The following PCYT1B variants were observed in gnomAD, a reference collection of about 807,000 sequenced individuals.
PCYT1B encodes the protein phosphate cytidylyltransferase 1B, choline.
Under a neutral mutation model 26.4 loss-of-function variants are expected in PCYT1B, and 10 were observed. The ratio of observed to expected loss-of-function variants is 0.38; its 90% CI spans 0.23 to 0.64. The LOEUF is 0.64. Ranked by LOEUF, PCYT1B falls within the 30% of genes least tolerant of loss-of-function variation. The pLI, the probability that PCYT1B is intolerant of heterozygous loss-of-function variation, is 0.56. For missense variants in PCYT1B, 161 were observed against 292.7 expected, an observed-to-expected ratio of 0.55 and a Z score of 3.28; for synonymous variants, 131 against 108.4, an observed-to-expected ratio of 1.21 and a Z score of -1.29.
At chrX:24,662,019 A>G (rs1475840994) in intron 1 of PCYT1B, among the ~76,000 whole-genome samples, 2 of 110,323 alleles carry the variant, frequency 1.8e-5, no homozygotes, top group Non-Finnish European at 3.8e-5. Context: ...AAAAAGCAAA[A>G]CTAGCTGGGT....
chrX:24,597,303 T>G (rs1924819867), intron 3 of PCYT1B, among the ~76,000 whole-genome samples: 1 of 110,498 alleles, frequency 9.0e-6, no homozygotes, highest in African/African-American at 3.3e-5. Context: ...TTTTGTATTT[T>G]TAGTAGAGAC....
chrX:24,616,631 C>T (rs749403418), intron 2 of PCYT1B, among the ~76,000 whole-genome samples: 1 of 112,051 alleles, frequency 8.9e-6, no homozygotes, highest in East Asian at 2.8e-4. Flanking sequence ...TAGAATCACC[C>T]TGACTATCTG....
chrX:24,641,170 G>A, intron 1 of PCYT1B, among the ~76,000 whole-genome samples: 1 of 111,831 alleles, frequency 8.9e-6, no homozygotes, highest in Non-Finnish European at 1.9e-5. Context: ...CTGACCTCAA[G>A]TGGTCCACCT....
At chrX:24,634,777 A>AAG (rs1926222080) in intron 1 of PCYT1B, among the ~76,000 whole-genome samples, 1 of 111,562 alleles carries the variant, frequency 9.0e-6, no homozygotes. Flanking sequence ...CAACAACAAA[A>AAG]ACATTTCCTG....
intron 1 of PCYT1B, among the ~76,000 whole-genome samples, chrX:24,631,971 G>A (rs189357552): frequency 1.7e-4 from 19 of 111,084 alleles, no homozygotes; most frequent in African/African-American, 6.2e-4. Flanking sequence ...AATGTGTTGT[G>A]TGTGTGAGTG....
At chrX:24,591,136 C>G (rs1924552384) in intron 3 of PCYT1B, among the ~76,000 whole-genome samples, 1 of 111,671 alleles carries the variant, frequency 9.0e-6, no homozygotes, top group Non-Finnish European at 1.9e-5. Context: ...CCTGAACCCT[C>G]AAATGGGGAT....
At chrX:24,568,156 T>C (rs1047212930) in intron 7 of PCYT1B, among the ~76,000 whole-genome samples, 6 of 111,631 alleles carry the variant, frequency 5.4e-5, no homozygotes, top group South Asian at 7.5e-4. Flanking sequence ...AAAGGGCCCA[T>C]GCTTCAGTTC....
chrX:24,593,504 TCTTTTCTTTTCTTTCTTTC>T (rs1924670287), intron 3 of PCYT1B, among the ~76,000 whole-genome samples: 1 of 81,770 alleles, frequency 1.2e-5, no homozygotes, highest in African/African-American at 5.7e-5. Flanking sequence ...TCTTTTCTTT[TCTTTTCTTTTCTTTCTTTC>T]TTCCTTTCTT....
Position 24,601,132 on chromosome X carries a change from G to A in PCYT1B, c.334+6613C>T, listed in dbSNP as rs190966624. Among the ~76,000 whole-genome samples, 435 of 111,893 alleles carry A rather than the reference G, an allele frequency of 3.9e-3. 4 individuals carry two copies. Among genetic ancestry groups the A allele is most frequent in the Non-Finnish European group, 5.7e-3 (303 of 53,160 alleles). The stretch of plus-strand genomic sequence containing the variant: ...AACCGTGACAGAAACAATTGATAAG[G>A]TGGACTTTATTAAAATTAAAAACTT... On this transcript the variant is annotated intron_variant, in intron 3 of 7. Coordinates refer to ENST00000379144, the MANE Select transcript of PCYT1B (RefSeq NM_004845.5).
intron 1 of PCYT1B, among the ~76,000 whole-genome samples, chrX:24,645,806 G>T (rs1926605948): frequency 9.0e-6 from 1 of 111,391 alleles, no homozygotes; most frequent in Admixed American, 9.5e-5. Context: ...AGCCCACAGG[G>T]CTCTAATATA....
chrX:24,657,481 A>C (rs1926946587), intron 1 of PCYT1B, among the ~76,000 whole-genome samples: 1 of 112,563 alleles, frequency 8.9e-6, no homozygotes, highest in Non-Finnish European at 1.9e-5. Flanking sequence ...ATAAAATTGT[A>C]ATTTATTTAA....
At chrX:24,665,680 T>A (rs763352340) in intron 1 of PCYT1B, among the ~76,000 whole-genome samples, 7 of 111,913 alleles carry the variant, frequency 6.3e-5, no homozygotes, top group South Asian at 7.5e-4. Context: ...TATAACTCTC[T>A]CCTACCTTGT....
chrX:24,581,343 G>T (rs943711310), intron 5 of PCYT1B, among the ~76,000 whole-genome samples: 2 of 111,571 alleles, frequency 1.8e-5, no homozygotes, highest in East Asian at 5.7e-4. Flanking sequence ...ACAACTGCAG[G>T]GGGGGACTGC....
chrX:24,573,015 T>C (rs972633712), intron 7 of PCYT1B, among the ~76,000 whole-genome samples: 1 of 106,019 alleles, frequency 9.4e-6, no homozygotes, highest in South Asian at 4.1e-4. Context: ...TACACACATA[T>C]ACACACACAT....
chrX:24,643,717 T>C (rs1381523653), intron 1 of PCYT1B, among the ~76,000 whole-genome samples: 1 of 112,293 alleles, frequency 8.9e-6, no homozygotes, highest in Non-Finnish European at 1.9e-5. Flanking sequence ...AATATTATTA[T>C]CAATTTGTTA....
chrX:24,637,274 AC>A (rs1926301136), intron 1 of PCYT1B, among the ~76,000 whole-genome samples: 2 of 106,845 alleles, frequency 1.9e-5, no homozygotes, highest in Admixed American at 1.0e-4. Flanking sequence ...AAGTTTGTGA[AC>A]TATGTGTCAT....
chrX:24,575,104 T>C lies in PCYT1B; in HGVS notation c.897+26A>G, dbSNP rs200083351. 1.4e-4 allele frequency: 156 copies of C among 1,116,002 alleles called. No homozygotes were observed. The African/African-American group carries it at 2.5e-3, about 18-fold the overall frequency. 92.0% of individuals were successfully genotyped at this position (1,116,002 alleles called of 1,213,427 possible). ...GATAAACTGAAAACACTCATCATTG[T>C]GGGGTAAAGTGAAATCATTACATAC... On this transcript the variant is annotated intron_variant, in intron 7 of 7. Transcript: ENST00000379144.
chrX:24,644,354 A>G (rs985683156), intron 1 of PCYT1B, among the ~76,000 whole-genome samples: 3 of 110,701 alleles, frequency 2.7e-5, no homozygotes, highest in African/African-American at 9.9e-5. Context: ...ACAATGATGA[A>G]CAACGTGGAA....
chrX:24,567,818 G>A (rs1218899866), intron 7 of PCYT1B, among the ~76,000 whole-genome samples: 1 of 110,143 alleles, frequency 9.1e-6, no homozygotes, highest in African/African-American at 3.3e-5. Context: ...GCATGGTGGC[G>A]GGTGTCTGTA....
Sources: gnomAD v4.1 joint callset for allele counts (sites outside exome capture counted in the v4.1 genomes callset) on GRCh38, gnomAD v4.1.1 for gene constraint, MANE v1.5 for transcripts, NCBI Gene and HGNC (gene_info 2026-07-23, HGNC 2026-07-21) for gene names.